Variants in CDH18 observed in about 807,000 individuals in gnomAD.
The protein encoded by CDH18 is cadherin-18.
CDH18 carries 31 observed loss-of-function variants against 67.9 expected under a neutral mutation model. The ratio of observed to expected loss-of-function variants is 0.46; its 90% confidence interval spans 0.34 to 0.62. The LOEUF (loss-of-function observed/expected upper bound fraction) is 0.62. CDH18 is among the 20% of genes least tolerant of loss of function. The probability of loss-of-function intolerance (pLI) is 0.01; values close to 1 mark genes in which losing one functional copy is unlikely to be tolerated. For missense variants in CDH18, 890 were observed against 975.5 expected, an observed-to-expected ratio of 0.91 and a Z score of 1.17; for synonymous variants, 362 against 347.2, an observed-to-expected ratio of 1.04 and a Z score of -0.48.
At chr5:19,763,067 G>A (rs188939372) in intron 3 of CDH18, among the ~76,000 whole-genome samples, 2 of 152,278 alleles carry the variant, frequency 1.3e-5, no homozygotes, top group East Asian at 3.9e-4. Context: ...TTGGACACAA[G>A]GCAGGGAATA....
At chr5:20,120,034 T>G (rs1192193511) in intron 2 of CDH18, among the ~76,000 whole-genome samples, 1 of 152,160 alleles carries the variant, frequency 6.6e-6, no homozygotes, top group Admixed American at 6.5e-5. Flanking sequence ...TGTTCTAAAT[T>G]ATCATACTGA....
At chr5:19,991,294 A>C (rs917149103), upstream of CDH18, among the ~76,000 whole-genome samples, 1 of 152,188 alleles carries the variant, frequency 6.6e-6, no homozygotes, top group Non-Finnish European at 1.5e-5. Context: ...CTGCACAAAC[A>C]TGGTGCATTG....
At chr5:19,517,946 G>A (rs989600474) in intron 10 of CDH18, among the ~76,000 whole-genome samples, 3 of 151,632 alleles carry the variant, frequency 2.0e-5, no homozygotes, top group African/African-American at 7.3e-5. Context: ...ACCAGTAATT[G>A]AGATACTGTA....
At chr5:20,350,569 GATTA>G (rs572067840) in intron 1 of CDH18, among the ~76,000 whole-genome samples, 12 of 152,048 alleles carry the variant, frequency 7.9e-5, no homozygotes, top group Admixed American at 7.2e-4. Context: ...ACCAATCATA[GATTA>G]ATTGTCTTGT....
At chr5:20,255,571 CAT>C (rs1279441787) in intron 1 of CDH18, 1 of 151,764 alleles carries the variant, frequency 6.6e-6, no homozygotes, top group Non-Finnish European at 1.5e-5. Context: ...ATAATTAAAA[CAT>C]ATTTATTATG....
At chr5:20,367,980 TC>T (rs1338099260) in intron 1 of CDH18, among the ~76,000 whole-genome samples, 2 of 152,210 alleles carry the variant, frequency 1.3e-5, no homozygotes, top group African/African-American at 4.8e-5. Context: ...AATTAATTTG[TC>T]TGGGGCAGGG....
chr5:20,198,520 G>GCATTCAAGAGGTGA (rs1431650709), intron 2 of CDH18, among the ~76,000 whole-genome samples: 1 of 152,150 alleles, frequency 6.6e-6, no homozygotes, highest in Non-Finnish European at 1.5e-5. Flanking sequence ...AAATTTCTAA[G>GCATTCAAGAGGTGA]CAGCAAAGCA....
chr5:19,623,084 T>G (rs1157920638), intron 5 of CDH18, among the ~76,000 whole-genome samples: 1 of 152,154 alleles, frequency 6.6e-6, no homozygotes, highest in Non-Finnish European at 1.5e-5. Flanking sequence ...TCACTGTCTC[T>G]CTCCAGAAAT....
intron 2 of CDH18, among the ~76,000 whole-genome samples, chr5:19,893,723 A>C (rs760753446): frequency 6.6e-6 from 1 of 152,132 alleles, no homozygotes; most frequent in Non-Finnish European, 1.5e-5. Flanking sequence ...AGGAAGATTT[A>C]TGGAAGTTAA....
intron 3 of CDH18, among the ~76,000 whole-genome samples, chr5:19,759,770 T>C (rs1375387470): frequency 6.6e-6 from 1 of 152,068 alleles, no homozygotes; most frequent in Non-Finnish European, 1.5e-5. Flanking sequence ...GGGAAAAATA[T>C]TCACTCCATA....
At chr5:20,407,243 T>A (rs2150138014) in intron 1 of CDH18, among the ~76,000 whole-genome samples, 1 of 152,238 alleles carries the variant, frequency 6.6e-6, no homozygotes, top group South Asian at 2.1e-4. Context: ...ACAACCAATG[T>A]TTCAACTTCT....
At chr5:19,973,534 T>C (rs1798223608) in intron 2 of CDH18, among the ~76,000 whole-genome samples, 3 of 152,096 alleles carry the variant, frequency 2.0e-5, no homozygotes, top group Admixed American at 2.0e-4. Context: ...ACTTTTTACT[T>C]GGAGGTGAGA....
intron 2 of CDH18, among the ~76,000 whole-genome samples, chr5:20,209,740 T>C (rs978412892): frequency 6.6e-6 from 1 of 151,878 alleles, no homozygotes; most frequent in Admixed American, 6.6e-5. Context: ...TTAAAACAGC[T>C]ATAAGACAAT....
At chr5:19,695,605 A>T (rs540364291) in intron 5 of CDH18, among the ~76,000 whole-genome samples, 4 of 152,326 alleles carry the variant, frequency 2.6e-5, no homozygotes, top group Admixed American at 6.5e-5. Flanking sequence ...ACAATGACAC[A>T]CAACCCTTGT....
At chr5:19,588,436 G>A (rs1035443916) in intron 7 of CDH18, among the ~76,000 whole-genome samples, 6 of 151,752 alleles carry the variant, frequency 4.0e-5, no homozygotes, top group East Asian at 1.9e-4. Context: ...ACTTGTTATC[G>A]GCCTAAAAAA....
At chr5:20,071,934 T>G (rs1296059372) in intron 2 of CDH18, among the ~76,000 whole-genome samples, 3 of 149,792 alleles carry the variant, frequency 2.0e-5, no homozygotes, top group Non-Finnish European at 4.5e-5. Flanking sequence ...GAAGCCATTG[T>G]GTAACTTGGA....
intron 1 of CDH18, among the ~76,000 whole-genome samples, chr5:20,333,421 C>T (rs573522014): frequency 6.6e-6 from 1 of 150,912 alleles, no homozygotes; most frequent in Non-Finnish European, 1.5e-5. Flanking sequence ...GGAGGGGAAT[C>T]GCTTGAACCC....
chr5:20,039,881 A>G (rs1005429051), intron 2 of CDH18, among the ~76,000 whole-genome samples: 2 of 152,206 alleles, frequency 1.3e-5, no homozygotes, highest in Non-Finnish European at 2.9e-5. Context: ...TCTGCACAGC[A>G]AAGGAAACTA....
intron 2 of CDH18, among the ~76,000 whole-genome samples, chr5:19,916,114 T>C (rs1791755782): frequency 1.3e-5 from 2 of 152,120 alleles, no homozygotes; most frequent in Non-Finnish European, 2.9e-5. Flanking sequence ...CTGTCTAATC[T>C]TAACACAGAA....
Sources: gnomAD v4.1 joint callset for allele counts (sites outside exome capture counted in the v4.1 genomes callset) on GRCh38, gnomAD v4.1.1 for gene constraint, MANE v1.5 for transcripts, NCBI Gene and HGNC (gene_info 2026-07-23, HGNC 2026-07-21) for gene names.